Variants in SEMA3E observed in about 807,000 individuals in gnomAD.
SEMA3E encodes semaphorin 3E.
Under a neutral mutation model 93.6 loss-of-function variants are expected in SEMA3E, and 49 were observed. That is an observed-to-expected ratio of 0.52 (90% CI 0.42 to 0.66). The LOEUF (loss-of-function observed/expected upper bound fraction) is 0.66, where lower values mean the gene tolerates loss of function less well. Ranked by LOEUF, SEMA3E falls within the 30% of genes least tolerant of loss-of-function variation. The pLI is 0.00. For missense variants in SEMA3E, 906 were observed against 964.8 expected, an observed-to-expected ratio of 0.94 and a Z score of 0.81; for synonymous variants, 363 against 330.7, an observed-to-expected ratio of 1.10 and a Z score of -1.06.
chr7:83,435,157 G>C (rs1788980127), intron 4 of SEMA3E, among the ~76,000 whole-genome samples: 1 of 152,118 alleles, frequency 6.6e-6, no homozygotes, highest in South Asian at 2.1e-4. Flanking sequence ...TTTTCTCATT[G>C]AGGATGCCAC....
intron 2 of SEMA3E, among the ~76,000 whole-genome samples, chr7:83,488,725 G>A (rs1245149897): frequency 6.6e-6 from 1 of 152,112 alleles, no homozygotes; most frequent in African/African-American, 2.4e-5. Context: ...TAAGTCAGGG[G>A]CTGAGAGAAT....
At chr7:83,492,479 T>C (rs1790406557) in intron 1 of SEMA3E, among the ~76,000 whole-genome samples, 1 of 152,032 alleles carries the variant, frequency 6.6e-6, no homozygotes, top group South Asian at 2.1e-4. Context: ...CTTATTTCTT[T>C]GTAAATAATA....
chr7:83,508,990 G>T (rs1790758920), intron 1 of SEMA3E, among the ~76,000 whole-genome samples: 1 of 152,096 alleles, frequency 6.6e-6, no homozygotes, highest in Non-Finnish European at 1.5e-5. Flanking sequence ...GGGCAAGTTT[G>T]CACACCTGGT....
intron 1 of SEMA3E, among the ~76,000 whole-genome samples, chr7:83,510,145 T>C (rs1790787431): frequency 6.6e-6 from 1 of 152,140 alleles, no homozygotes; most frequent in African/African-American, 2.4e-5. Context: ...CATCAAACCA[T>C]CTAATAAAAA....
chr7:83,506,347 T>G (rs1315177359), intron 1 of SEMA3E, among the ~76,000 whole-genome samples: 1 of 152,070 alleles, frequency 6.6e-6, no homozygotes, highest in Non-Finnish European at 1.5e-5. Context: ...ATCATTACGT[T>G]AAATGAAATA....
intron 4 of SEMA3E, among the ~76,000 whole-genome samples, chr7:83,424,669 AC>A (rs1788734954): frequency 6.6e-6 from 1 of 152,206 alleles, no homozygotes. Flanking sequence ...ATGTTACCTT[AC>A]ATGGCAAAAG....
chr7:83,403,911 T>C (rs1788278316), intron 9 of SEMA3E, among the ~76,000 whole-genome samples: 1 of 151,950 alleles, frequency 6.6e-6, no homozygotes, highest in African/African-American at 2.4e-5. Flanking sequence ...CTCAGATTTA[T>C]ATAAATTGAA....
At chr7:83,417,781 T>C (rs1163948407) in intron 5 of SEMA3E, among the ~76,000 whole-genome samples, 2 of 152,180 alleles carry the variant, frequency 1.3e-5, no homozygotes, top group Admixed American at 1.3e-4. Flanking sequence ...GATTGTTTGG[T>C]ACTTTGTCTA....
At chr7:83,484,908 G>A (rs943167411) in intron 2 of SEMA3E, among the ~76,000 whole-genome samples, 1 of 152,178 alleles carries the variant, frequency 6.6e-6, no homozygotes, top group African/African-American at 2.4e-5. Flanking sequence ...AGGGAAGAGT[G>A]TTGAGGAATG....
At chr7:83,644,436 T>C (rs2115721170) in intron 1 of SEMA3E, among the ~76,000 whole-genome samples, 1 of 152,068 alleles carries the variant, frequency 6.6e-6, no homozygotes, top group Non-Finnish European at 1.5e-5. Flanking sequence ...GGTTTTTCTC[T>C]TTAGGACCTG....
At chr7:83,602,140 T>C (rs570103975) in intron 1 of SEMA3E, among the ~76,000 whole-genome samples, 3 of 152,188 alleles carry the variant, frequency 2.0e-5, no homozygotes, top group African/African-American at 4.8e-5. Flanking sequence ...GGGAATGAGA[T>C]GGGTGAGGAT....
At chr7:83,417,966 TCTA>T (rs1788588919) in intron 5 of SEMA3E, among the ~76,000 whole-genome samples, 1 of 152,144 alleles carries the variant, frequency 6.6e-6, no homozygotes, top group Non-Finnish European at 1.5e-5. Flanking sequence ...TCTGCTGAAT[TCTA>T]CTAATAACAG....
chr7:83,560,491 C>T (rs1489401712), intron 1 of SEMA3E, among the ~76,000 whole-genome samples: 2 of 152,010 alleles, frequency 1.3e-5, no homozygotes, highest in South Asian at 2.1e-4. Context: ...CATAGAAATT[C>T]AGAGAAATTT....
intron 1 of SEMA3E, among the ~76,000 whole-genome samples, chr7:83,589,997 C>T (rs1476895669): frequency 6.6e-6 from 1 of 152,164 alleles, no homozygotes; most frequent in African/African-American, 2.4e-5. Context: ...TCATAGCATA[C>T]TATCTGAAAT....
intron 2 of SEMA3E, among the ~76,000 whole-genome samples, chr7:83,470,089 T>C (rs915393450): frequency 2.0e-5 from 3 of 152,210 alleles, no homozygotes; most frequent in Admixed American, 2.0e-4. Flanking sequence ...TCTACCAGTT[T>C]CCAACTGGGT....
chr7:83,419,230 A>C (rs1212100170), intron 4 of SEMA3E, among the ~76,000 whole-genome samples: 1 of 152,168 alleles, frequency 6.6e-6, no homozygotes, highest in Non-Finnish European at 1.5e-5. Flanking sequence ...ACATGATTTC[A>C]TTCTTTTTTA....
intron 4 of SEMA3E, among the ~76,000 whole-genome samples, chr7:83,429,518 T>C (rs1276788403): frequency 1.3e-5 from 2 of 152,198 alleles, no homozygotes; most frequent in South Asian, 2.1e-4. Context: ...TTCTGAAGCC[T>C]GCTTTTACTG....
intron 1 of SEMA3E, among the ~76,000 whole-genome samples, chr7:83,583,603 C>T (rs1292431342): frequency 6.6e-6 from 1 of 152,098 alleles, no homozygotes; most frequent in African/African-American, 2.4e-5. Flanking sequence ...AGCTAAATAT[C>T]TACTGTTCTC....
intron 2 of SEMA3E, among the ~76,000 whole-genome samples, chr7:83,488,976 A>G (rs1000581124): frequency 1.3e-5 from 2 of 152,110 alleles, no homozygotes; most frequent in African/African-American, 4.8e-5. Flanking sequence ...TTGTAGAAGT[A>G]AAGGAAAGAA....
Sources: gnomAD v4.1 joint callset for allele counts (sites outside exome capture counted in the v4.1 genomes callset) on GRCh38, gnomAD v4.1.1 for gene constraint, MANE v1.5 for transcripts, NCBI Gene and HGNC (gene_info 2026-07-23, HGNC 2026-07-21) for gene names.